Variants in RORA observed in about 807,000 individuals in gnomAD.
RORA encodes the protein nuclear receptor ROR-alpha.
In RORA, 7 loss-of-function variants were observed where a neutral mutation model predicts 69.5. That is an observed-to-expected ratio of 0.10 (90% CI 0.06 to 0.19). The LOEUF (loss-of-function observed/expected upper bound fraction) is 0.19. RORA is among the 10% of genes least tolerant of loss of function. The probability of loss-of-function intolerance (pLI) is 1.00; values close to 1 mark genes in which losing one functional copy is unlikely to be tolerated. For synonymous variants in RORA, 261 were observed against 240.8 expected, an observed-to-expected ratio of 1.08 and a Z score of -0.78; for missense variants, 457 against 663.0, an observed-to-expected ratio of 0.69 and a Z score of 3.41.
chr15:60,505,334 C>T (rs2141285216), intron 6 of RORA, among the ~76,000 whole-genome samples, 174 bp downstream of exon 6: 1 of 152,310 alleles, frequency 6.6e-6, no homozygotes, highest in Middle Eastern at 3.4e-3. Flanking sequence ...AATTTTGCAT[C>T]TGAGTTAAAT....
At chr15:61,000,568 A>G (rs1894713308) in intron 1 of RORA, among the ~76,000 whole-genome samples, 1 of 152,128 alleles carries the variant, frequency 6.6e-6, no homozygotes, top group Non-Finnish European at 1.5e-5. Flanking sequence ...CAAGTAGGGG[A>G]AAAGTGAGTG....
chr15:60,755,501 G>C (rs2071788617), intron 1 of RORA, among the ~76,000 whole-genome samples: 1 of 152,072 alleles, frequency 6.6e-6, no homozygotes, highest in South Asian at 2.1e-4. Flanking sequence ...TATATACCCA[G>C]TAATGGGATG....
intron 1 of RORA, among the ~76,000 whole-genome samples, chr15:61,099,784 G>C (rs1030136242): frequency 3.9e-5 from 6 of 152,186 alleles, no homozygotes; most frequent in African/African-American, 1.4e-4. Context: ...TAATGGGCCA[G>C]AACTGGTTTA....
At chr15:60,862,550 T>C (rs1295570272) in intron 1 of RORA, among the ~76,000 whole-genome samples, 1 of 152,218 alleles carries the variant, frequency 6.6e-6, no homozygotes, top group Non-Finnish European at 1.5e-5. Flanking sequence ...CAGACACTAC[T>C]GGATTGGCAA....
At chr15:60,716,432 T>C (rs1038988168) in intron 1 of RORA, among the ~76,000 whole-genome samples, 2 of 152,232 alleles carry the variant, frequency 1.3e-5, no homozygotes, top group African/African-American at 4.8e-5. Context: ...GCATGCAAAC[T>C]TGGGTTTGAA....
intron 1 of RORA, among the ~76,000 whole-genome samples, chr15:60,717,573 G>GT (rs1482286091): frequency 1.3e-5 from 2 of 152,068 alleles, no homozygotes; most frequent in Non-Finnish European, 2.9e-5. Context: ...CCTTTATCAT[G>GT]TTTTTTTGTC....
intron 1 of RORA, among the ~76,000 whole-genome samples, chr15:60,979,284 T>G (rs1031626461): frequency 1.4e-5 from 2 of 140,116 alleles, no homozygotes; most frequent in Non-Finnish European, 3.0e-5. Context: ...TTTTTTTTTT[T>G]TTTTTTTCCA....
chr15:60,626,897 C>A (rs892461807), intron 2 of RORA, among the ~76,000 whole-genome samples: 2 of 152,186 alleles, frequency 1.3e-5, no homozygotes, highest in African/African-American at 4.8e-5. Flanking sequence ...GAGGGATTCA[C>A]GACCTTCTCC....
At chr15:60,833,221 T>C (rs1466188228) in intron 1 of RORA, among the ~76,000 whole-genome samples, 1 of 151,042 alleles carries the variant, frequency 6.6e-6, no homozygotes, top group Non-Finnish European at 1.5e-5. Flanking sequence ...TTTTTTTATT[T>C]GTATTTTTTA....
At chr15:60,796,801 T>G (rs1288579437) in intron 1 of RORA, among the ~76,000 whole-genome samples, 1 of 151,926 alleles carries the variant, frequency 6.6e-6, no homozygotes, top group African/African-American at 2.4e-5. Context: ...CATCAACTGA[T>G]GAGTCGATAG....
intron 1 of RORA, among the ~76,000 whole-genome samples, chr15:61,043,873 T>C (rs1453033542): frequency 6.6e-6 from 1 of 152,184 alleles, no homozygotes; most frequent in Non-Finnish European, 1.5e-5. Context: ...CTGTGTAGCC[T>C]GCTCTTGTGT....
intron 2 of RORA, among the ~76,000 whole-genome samples, chr15:60,664,886 G>C (rs1171371400): frequency 4.6e-5 from 7 of 152,148 alleles, no homozygotes; most frequent in African/African-American, 1.4e-4. Flanking sequence ...TTTGACTCAA[G>C]AAAAAGTTAC....
At chr15:61,134,626 A>G (rs1437307855) in intron 1 of RORA, among the ~76,000 whole-genome samples, 1 of 152,214 alleles carries the variant, frequency 6.6e-6, no homozygotes, top group Non-Finnish European at 1.5e-5. Context: ...GCAATGGTCC[A>G]ATGTTGATTT....
In RORA at chr15:60,739,417, C is replaced by T. The variant is rs114226830; in HGVS notation, c.167-60731G>A. On this transcript the variant is annotated intron_variant, in intron 1 of 10. Transcript: ENST00000335670. ...AAAATCCCATCTCTACAAGAAAACACAAAAATTAGCCAGGCGTGGTGGTGT... is the reference window on the plus strand; with the variant it reads ...AAAATCCCATCTCTACAAGAAAACATAAAAATTAGCCAGGCGTGGTGGTGT... Among the ~76,000 whole-genome samples, 758 of 152,080 alleles carry T rather than the reference C, an allele frequency of 5.0e-3. 5 individuals carry two copies. The highest frequency in any genetic ancestry group is 0.017 in the African/African-American group (702 of 41,492).
chr15:60,540,576 C>CCA lies in RORA; in HGVS notation c.197-8726_197-8725insTG, dbSNP rs1555428643. Among the ~76,000 whole-genome samples the CCA allele has an allele frequency of 5.0e-3, 574 of 115,426 alleles. 32 individuals carry two copies. The highest frequency in any genetic ancestry group is 8.3e-3 in the Non-Finnish European group (426 of 51,350). 75.7% of individuals were successfully genotyped at this position (115,426 alleles called of 152,430 possible). A position where few individuals can be genotyped will look rare whatever the true frequency, so the allele number is the denominator to read the frequency against. On this transcript the variant is annotated intron_variant, in intron 2 of 10. Coordinates refer to ENST00000335670, the MANE Select transcript of RORA (RefSeq NM_134261.3). ...CACAATTTCCATGACCCCCCCCCCC[C>CCA]AAAACTGTGCGGTCACAAAACCCAG...
intron 1 of RORA, among the ~76,000 whole-genome samples, chr15:60,705,604 A>AGT (rs146753015): frequency 6.6e-6 from 1 of 152,340 alleles, no homozygotes; most frequent in Non-Finnish European, 1.5e-5. Flanking sequence ...AGGTGATTGT[A>AGT]GTGTCTATTT....
chr15:60,608,888 G>A (rs918408304), intron 2 of RORA, among the ~76,000 whole-genome samples: 2 of 152,044 alleles, frequency 1.3e-5, no homozygotes, highest in African/African-American at 4.8e-5. Context: ...CATATACCAA[G>A]CCTGGTCATC....
chr15:60,978,174 T>C (rs1893932399), intron 1 of RORA, among the ~76,000 whole-genome samples: 2 of 152,160 alleles, frequency 1.3e-5, no homozygotes, highest in South Asian at 4.1e-4. Flanking sequence ...AACATCATCA[T>C]CATCACAATC....
At chr15:60,543,859 G>A (rs8039021) in intron 2 of RORA, among the ~76,000 whole-genome samples, 144,871 of 152,258 alleles carry the variant, frequency 0.95, 69,371 homozygotes, top group Non-Finnish European at 1. Flanking sequence ...CTTTTGTTGT[G>A]TAACGACATG....
Sources: gnomAD v4.1 joint callset for allele counts (sites outside exome capture counted in the v4.1 genomes callset) on GRCh38, gnomAD v4.1.1 for gene constraint, MANE v1.5 for transcripts, NCBI Gene and HGNC (gene_info 2026-07-23, HGNC 2026-07-21) for gene names.